The following GPT2 variants were observed in gnomAD, a reference collection of about 807,000 sequenced individuals.
GPT2 encodes glutamic--pyruvic transaminase 2.
Under a neutral mutation model 56.9 loss-of-function variants are expected in GPT2, and 30 were observed. The observed-to-expected ratio is 0.53, with a 90% CI of 0.39 to 0.72. GPT2 has a LOEUF of 0.72. Among genes scored for constraint, GPT2 ranks in the 30% least tolerant of loss-of-function variants. The probability of loss-of-function intolerance (pLI) is 0.00; values close to 1 mark genes in which losing one functional copy is unlikely to be tolerated. For missense variants in GPT2, 542 were observed against 703.4 expected (o/e 0.77, Z 2.60); for synonymous variants, 271 against 283.1 (o/e 0.96, Z 0.43).
intron 8 of GPT2, among the ~76,000 whole-genome samples, chr16:46,919,616 G>A (rs1180955175): frequency 6.6e-6 from 1 of 152,214 alleles, no homozygotes; most frequent in Non-Finnish European, 1.5e-5. Context: ...GGCAGGAGTG[G>A]AGACCTGAGA....
At chr16:46,902,774 C>T (rs544976607) in intron 4 of GPT2, among the ~76,000 whole-genome samples, 10 of 152,128 alleles carry the variant, frequency 6.6e-5, no homozygotes, top group African/African-American at 1.4e-4. Context: ...TACAGGCACG[C>T]GCCACCACGC....
At chr16:46,891,527 C>T (rs1466585887) in intron 2 of GPT2, among the ~76,000 whole-genome samples, 2 of 152,136 alleles carry the variant, frequency 1.3e-5, no homozygotes, top group East Asian at 3.9e-4. Context: ...CCTCAGCCTC[C>T]CGAGTAGCTG....
At position 46,918,630 on chromosome 16, in the gene GPT2, G is replaced by T. The variant is rs1184804752; in HGVS notation, c.910G>T (p.Asp304Tyr). Residue 304 changes from aspartate to tyrosine, a missense_variant, in exon 8 of 12, where the codon GAC becomes TAC. Asp to Tyr is a radical substitution (Grantham distance 160, BLOSUM62 -3). Transcript: ENST00000340124. ...TGCCGTGCCCCCGCAGGTGTACCAG[G>T]ACAACGTGTACTCTCCAGATTGCAG... ...LFLLADEVYQDNVYSPDCRFH... is the reference protein window; with the variant it reads ...LFLLADEVYQYNVYSPDCRFH... 1 of 1,614,060 alleles carries T rather than the reference G, an allele frequency of 6.2e-7. No homozygotes were observed. The highest frequency in any genetic ancestry group is 8.5e-7 in the Non-Finnish European group (1 of 1,180,022).
chr16:46,891,274 G>T (rs751993895), intron 2 of GPT2, among the ~76,000 whole-genome samples: 2 of 151,384 alleles, frequency 1.3e-5, no homozygotes, highest in Non-Finnish European at 2.9e-5. Context: ...ACGGAGTCTC[G>T]CTCTGTTGCC....
At chr16:46,906,607 A>C (rs1960931943) in intron 4 of GPT2, among the ~76,000 whole-genome samples, 1 of 151,906 alleles carries the variant, frequency 6.6e-6, no homozygotes, top group Non-Finnish European at 1.5e-5. Context: ...TGAGTGGATG[A>C]GTGGATGGAT....
intron 2 of GPT2, among the ~76,000 whole-genome samples, chr16:46,890,413 C>A (rs1960564408): frequency 6.6e-6 from 1 of 152,180 alleles, no homozygotes; most frequent in African/African-American, 2.4e-5. Flanking sequence ...TCCCTGCACC[C>A]CCTTCTTATT....
At chr16:46,894,183 G>T (rs183371122) in intron 2 of GPT2, among the ~76,000 whole-genome samples, 4 of 152,196 alleles carry the variant, frequency 2.6e-5, no homozygotes, top group African/African-American at 9.7e-5. Context: ...TCGCGGCAGC[G>T]GCCCTGCATT....
intron 2 of GPT2, 81 bp downstream of exon 2, chr16:46,885,039 C>G: frequency 7.2e-7 from 1 of 1,383,958 alleles, no homozygotes; most frequent in Non-Finnish European, 9.4e-7. Context: ...GGGTCCTTCC[C>G]ACGACGTCCA....
rs1961522044 is a variant in GPT2 at position 46,930,483 on chromosome 16, A to T, written c.*1486A>T. ...CCGGGTCCGTGCAGAGGAAACAGAA[A>T]CTCCCAACTGTCCTTACCCACCGAC... is the stretch of plus-strand genomic sequence containing the variant. On this transcript the variant is annotated 3_prime_UTR_variant, in exon 12 of 12. Transcript: ENST00000340124. The T allele has an allele frequency of 1.3e-5, 2 of 152,032 alleles. No homozygotes were observed. Among genetic ancestry groups the T allele is most frequent in the Non-Finnish European group, 2.9e-5 (2 of 68,008 alleles). The allele number at this position is 152,032 out of a possible 1,614,324, so 9.4% of individuals were successfully genotyped here. A position where few individuals can be genotyped will look rare whatever the true frequency, so the allele number is the denominator to read the frequency against.
At chr16:46,894,023 C>A (rs533001328) in intron 2 of GPT2, among the ~76,000 whole-genome samples, 2 of 152,308 alleles carry the variant, frequency 1.3e-5, no homozygotes, top group Admixed American at 6.5e-5. Context: ...AGAACAGTTT[C>A]TTCTGCATGG....
At chr16:46,927,547 T>G (rs373300889) in intron 11 of GPT2, among the ~76,000 whole-genome samples, 1 of 152,312 alleles carries the variant, frequency 6.6e-6, no homozygotes, top group South Asian at 2.1e-4. Flanking sequence ...GGAATGCCGG[T>G]GCCCAGAGCT....
chr16:46,889,583 G>C (rs957030505), intron 2 of GPT2, among the ~76,000 whole-genome samples: 2 of 152,096 alleles, frequency 1.3e-5, no homozygotes, highest in African/African-American at 4.8e-5. Flanking sequence ...TTGTAGTGCA[G>C]GCTTCCAATA....
chr16:46,902,455 G>C (rs980103068), intron 4 of GPT2, among the ~76,000 whole-genome samples: 1 of 152,126 alleles, frequency 6.6e-6, no homozygotes, highest in Admixed American at 6.6e-5. Context: ...GGTCCTTCGC[G>C]TGACAGGGAC....
intron 2 of GPT2, 114 bp from the exon 3 acceptor site, chr16:46,897,534 G>C: frequency 2.2e-6 from 2 of 908,546 alleles, no homozygotes; most frequent in Non-Finnish European, 3.5e-6. Context: ...TCAGATACTT[G>C]GTAAGCCTCA....
chr16:46,899,023 ATATATATATATATTT>A (rs1281338473), intron 3 of GPT2, among the ~76,000 whole-genome samples: 46 of 3,790 alleles, frequency 0.012, no homozygotes, highest in Non-Finnish European at 0.021. Context: ...ATATATATAT[ATATATATATATATTT>A]TTTTTTTTTT....
At chr16:46,909,595 C>T in intron 5 of GPT2, 89 bp from the exon 6 acceptor site, 1 of 1,460,202 alleles carries the variant, frequency 6.8e-7, no homozygotes, top group Non-Finnish European at 9.4e-7. Flanking sequence ...CAGAGTTGGA[C>T]TGGAGGCATG....
chr16:46,893,985 T>G (rs1960636837), intron 2 of GPT2, among the ~76,000 whole-genome samples: 1 of 152,176 alleles, frequency 6.6e-6, no homozygotes, highest in African/African-American at 2.4e-5. Context: ...CATGTAGACC[T>G]TGAGTTCCCG....
intron 3 of GPT2, among the ~76,000 whole-genome samples, chr16:46,898,723 T>C (rs1435598100): frequency 2.0e-5 from 3 of 150,250 alleles, no homozygotes; most frequent in Admixed American, 2.0e-4. Context: ...CTGATTTTTG[T>C]ATTTTTGGTA....
At chr16:46,927,140 AGACCCTGT>A in intron 11 of GPT2, 103 bp downstream of exon 11, 1 of 670,582 alleles carries the variant, frequency 1.5e-6, no homozygotes, top group Non-Finnish European at 2.5e-6. Flanking sequence ...AGAGGTGCGG[AGACCCTGT>A]CCTCTCTCGA....
Sources: gnomAD v4.1 joint callset for allele counts (sites outside exome capture counted in the v4.1 genomes callset) on GRCh38, gnomAD v4.1.1 for gene constraint, MANE v1.5 for transcripts, NCBI Gene and HGNC (gene_info 2026-07-23, HGNC 2026-07-21) for gene names.